ASTN2: variants seen among roughly 807,000 people sequenced by gnomAD.
ASTN2 encodes the protein astrotactin 2.
A neutral mutation model predicts 139.8 loss-of-function variants in ASTN2; 54 were observed. The observed-to-expected ratio is 0.39, with a 90% CI of 0.31 to 0.48. ASTN2 has a LOEUF of 0.48. ASTN2 is among the 20% of genes least tolerant of loss of function. The pLI, the probability that ASTN2 is intolerant of heterozygous loss-of-function variation, is 0.95. For synonymous variants in ASTN2, 756 were observed against 719.5 expected, an observed-to-expected ratio of 1.05 and a Z score of -0.81; for missense variants, 1,565 against 1,725.1, an observed-to-expected ratio of 0.91 and a Z score of 1.64.
chr9:117,384,224 G>A (rs1246986883), intron 1 of ASTN2, among the ~76,000 whole-genome samples: 1 of 152,204 alleles, frequency 6.6e-6, no homozygotes, highest in East Asian at 1.9e-4. Flanking sequence ...GAAAGAGATG[G>A]ATGTACACTC....
chr9:117,160,938 T>C (rs1830536395), intron 3 of ASTN2, among the ~76,000 whole-genome samples: 3 of 150,492 alleles, frequency 2.0e-5, no homozygotes, highest in African/African-American at 7.3e-5. Flanking sequence ...AATTATAAAG[T>C]ACACACACAC....
chr9:117,368,520 A>C (rs1829906299), intron 1 of ASTN2, among the ~76,000 whole-genome samples: 1 of 152,162 alleles, frequency 6.6e-6, no homozygotes, highest in African/African-American at 2.4e-5. Flanking sequence ...TATACTTTCC[A>C]TCTCCCTTCT....
At chr9:117,016,726 T>TA (rs1554769621) in intron 6 of ASTN2, among the ~76,000 whole-genome samples, 2 of 140,386 alleles carry the variant, frequency 1.4e-5, no homozygotes, top group Non-Finnish European at 3.0e-5. Context: ...TATATATATG[T>TA]TATATATATA....
At chr9:117,093,854 G>A (rs1028318332) in intron 5 of ASTN2, among the ~76,000 whole-genome samples, 2 of 152,154 alleles carry the variant, frequency 1.3e-5, no homozygotes, top group African/African-American at 4.8e-5. Flanking sequence ...TGCAAAAAGC[G>A]TAGGGTAATT....
chr9:116,790,971 G>C (rs1427389986), intron 13 of ASTN2, among the ~76,000 whole-genome samples: 2 of 16,270 alleles, frequency 1.2e-4, no homozygotes, highest in Non-Finnish European at 3.2e-4. Flanking sequence ...AAGAAGGAAA[G>C]AAAGAAAGAA....
At chr9:117,289,224 A>G (rs1309865286) in intron 2 of ASTN2, among the ~76,000 whole-genome samples, 1 of 152,094 alleles carries the variant, frequency 6.6e-6, no homozygotes. Flanking sequence ...TGAATGGGGG[A>G]AGGAACTTTG....
intron 4 of ASTN2, among the ~76,000 whole-genome samples, chr9:117,110,700 G>A (rs1355997511): frequency 6.6e-6 from 1 of 152,150 alleles, no homozygotes; most frequent in African/African-American, 2.4e-5. Flanking sequence ...ACATATTTTG[G>A]AAAGAAGTTG....
chr9:116,927,720 A>T (rs570416442), intron 10 of ASTN2, among the ~76,000 whole-genome samples: 31 of 152,256 alleles, frequency 2.0e-4, no homozygotes, highest in African/African-American at 7.5e-4. Context: ...CTCTAAACAT[A>T]AGCATCTCGG....
intron 6 of ASTN2, among the ~76,000 whole-genome samples, chr9:117,018,458 G>A (rs1588485561): frequency 6.6e-6 from 1 of 152,096 alleles, no homozygotes; most frequent in South Asian, 2.1e-4. Flanking sequence ...CTACACTGTG[G>A]GTTCGATGCC....
intron 6 of ASTN2, among the ~76,000 whole-genome samples, chr9:117,012,067 C>A (rs1018606378): frequency 1.3e-5 from 2 of 152,188 alleles, no homozygotes; most frequent in African/African-American, 4.8e-5. Flanking sequence ...AAATGCCTGG[C>A]ACATACTAGG....
At chr9:117,203,656 A>G (rs1252669695) in intron 3 of ASTN2, among the ~76,000 whole-genome samples, 3 of 152,020 alleles carry the variant, frequency 2.0e-5, no homozygotes, top group African/African-American at 7.2e-5. Flanking sequence ...TTCAGGCCCC[A>G]TTCATCTGAT....
chr9:116,626,466 C>T (rs1856467993), intron 17 of ASTN2, among the ~76,000 whole-genome samples: 1 of 151,754 alleles, frequency 6.6e-6, no homozygotes, highest in Non-Finnish European at 1.5e-5. Context: ...AACTTGTGTA[C>T]TTGATATTAT....
intron 2 of ASTN2, among the ~76,000 whole-genome samples, chr9:117,225,245 G>C (rs1832664739): frequency 6.6e-6 from 1 of 151,956 alleles, no homozygotes; most frequent in Admixed American, 6.6e-5. Context: ...GTCTGTAAGA[G>C]AGGGCTGAAG....
rs139196365 is a variant in ASTN2 at position 117,305,447 on chromosome 9, G to A, written c.443-13934C>T. Among the ~76,000 whole-genome samples, 817 of 152,220 alleles carry A rather than the reference G, an allele frequency of 5.4e-3. 7 individuals carry two copies. The highest frequency in any genetic ancestry group is 0.019 in the African/African-American group (784 of 41,524). On this transcript the variant is annotated intron_variant, in intron 1 of 22. Transcript: ENST00000313400. ...CCCTGCTATTTTTTTAAATACATCA[G>A]CTCCCCAATATAGCACAGGGCCAGG...
intron 19 of ASTN2, among the ~76,000 whole-genome samples, chr9:116,568,266 C>T (rs906444828): frequency 7.2e-5 from 11 of 152,192 alleles, no homozygotes; most frequent in African/African-American, 2.7e-4. Flanking sequence ...GACAAGGATG[C>T]TTTGCATTTC....
At chr9:116,762,196 C>T (rs985221474) in intron 13 of ASTN2, among the ~76,000 whole-genome samples, 1 of 152,196 alleles carries the variant, frequency 6.6e-6, no homozygotes, top group African/African-American at 2.4e-5. Flanking sequence ...CATTACTTTA[C>T]TCTTTCATTC....
intron 10 of ASTN2, among the ~76,000 whole-genome samples, chr9:116,911,496 T>TG (rs1394845566): frequency 9.9e-5 from 15 of 152,150 alleles, no homozygotes; most frequent in African/African-American, 3.6e-4. Context: ...AGGATATTAG[T>TG]GGAAAAACTG....
At chr9:117,270,093 C>T (rs888846735) in intron 2 of ASTN2, among the ~76,000 whole-genome samples, 61 of 152,168 alleles carry the variant, frequency 4.0e-4, no homozygotes, top group African/African-American at 1.4e-3. Flanking sequence ...CTCAGTGTCA[C>T]ATTACTAGCT....
intron 6 of ASTN2, among the ~76,000 whole-genome samples, chr9:117,010,259 C>A (rs1023377016): frequency 6.6e-6 from 1 of 152,056 alleles, no homozygotes; most frequent in African/African-American, 2.4e-5. Context: ...ATATTTCCCC[C>A]CTGGAAATAA....
Sources: gnomAD v4.1 joint callset for allele counts (sites outside exome capture counted in the v4.1 genomes callset) on GRCh38, gnomAD v4.1.1 for gene constraint, MANE v1.5 for transcripts, NCBI Gene and HGNC (gene_info 2026-07-23, HGNC 2026-07-21) for gene names.